MCF2L: variants seen among roughly 807,000 people sequenced by gnomAD.
The protein encoded by MCF2L is MCF.2 cell line derived transforming sequence like.
MCF2L carries 97 observed loss-of-function variants against 153.4 expected under a neutral mutation model. That is an observed-to-expected ratio of 0.63 (90% CI 0.54 to 0.75). The LOEUF is 0.75. Ranked by LOEUF, MCF2L falls within the 30% of genes least tolerant of loss-of-function variation. MCF2L has a pLI of 0.00. For synonymous variants in MCF2L, 659 were observed against 632.2 expected, an observed-to-expected ratio of 1.04 and a Z score of -0.64; for missense variants, 1,347 against 1,495.2, an observed-to-expected ratio of 0.90 and a Z score of 1.64.
At chr13:113,044,880 C>T (rs369437545) in intron 3 of MCF2L, 22 of 1,612,784 alleles carry the variant, frequency 1.4e-5, no homozygotes, top group Admixed American at 3.3e-5. Context: ...ATGCCAGGAC[C>T]GGCGTGATGT....
At chr13:112,973,810 G>C (rs1312008039) in intron 1 of MCF2L, among the ~76,000 whole-genome samples, 7 of 152,190 alleles carry the variant, frequency 4.6e-5, no homozygotes, top group African/African-American at 1.7e-4. Context: ...CACAGGCAAG[G>C]TCTCAGGAGT....
intron 2 of MCF2L, chr13:112,957,265 G>C (rs954071567): frequency 4.6e-5 from 7 of 152,244 alleles, no homozygotes; most frequent in African/African-American, 1.7e-4. Context: ...GTCAATGCTT[G>C]GCATTTTCTG....
chr13:112,895,498 C>T (rs957621052), intron 1 of MCF2L, among the ~76,000 whole-genome samples: 1 of 152,082 alleles, frequency 6.6e-6, no homozygotes, highest in South Asian at 2.1e-4. Context: ...GTGCTGGATG[C>T]TGGGACTGAG....
At chr13:112,985,128 A>G (rs1364227595) in intron 1 of MCF2L, 1 of 284,970 alleles carries the variant, frequency 3.5e-6, no homozygotes, top group Non-Finnish European at 7.1e-6. Flanking sequence ...TTTTTCCTCA[A>G]GTTCCTCTCG....
chr13:113,049,111 GA>G (rs34538087), intron 4 of MCF2L, among the ~76,000 whole-genome samples: 75,502 of 151,982 alleles, frequency 0.5, 19,131 homozygotes, highest in African/African-American at 0.58. Flanking sequence ...GATGATGGTG[GA>G]CATTGGATGG....
At chr13:112,966,580 A>G (rs1490186104), upstream of MCF2L, among the ~76,000 whole-genome samples, 2 of 152,238 alleles carry the variant, frequency 1.3e-5, no homozygotes, top group Non-Finnish European at 2.9e-5. The surrounding 1 kb of genome is among the most constrained non-coding windows in gnomAD (Gnocchi z 4.1). Flanking sequence ...CAAGTAATAA[A>G]GCCAATGACC....
At position 113,045,459 on chromosome 13, in the gene MCF2L, G is replaced by A; in HGVS notation, c.369+98G>A. 1 of 1,096,780 alleles carries A rather than the reference G, an allele frequency of 9.1e-7. No homozygotes were observed. 67.9% of individuals were successfully genotyped at this position (1,096,780 alleles called of 1,614,324 possible). On this transcript the variant is annotated intron_variant, in intron 4 of 29. Coordinates refer to ENST00000535094, the MANE Select transcript of MCF2L (RefSeq NM_001112732.3). This position sits in a 1 kb window ranked among gnomAD's most constrained non-coding sequence, Gnocchi z 4.2. ...CTGTGTCTGCCGCAGTTCCTGCTTT[G>A]TGCTGAGTGGGACAGAGCCCAGTCC...
chr13:113,074,932 C>A lies in MCF2L; in HGVS notation c.1117-66C>A. The A allele has an allele frequency of 1.4e-6, 2 of 1,396,490 alleles. No individual in the cohort carries two copies. Among genetic ancestry groups the A allele is most frequent in the Non-Finnish European group, 2.0e-6 (2 of 1,019,010 alleles). 86.5% of individuals were successfully genotyped at this position (1,396,490 alleles called of 1,614,324 possible). A position where few individuals can be genotyped will look rare whatever the true frequency, so the allele number is the denominator to read the frequency against. Reference sequence around the variant, plus strand: ...TGTGCCCCGGGACACACATCCCGTACAGCAAGGCACTGTGTGCCTCGAACA... The same window carrying A: ...TGTGCCCCGGGACACACATCCCGTAAAGCAAGGCACTGTGTGCCTCGAACA... On this transcript the variant is annotated intron_variant, in intron 10 of 29. Transcript: ENST00000535094. The surrounding 1 kb of genome is among the most constrained non-coding windows in gnomAD (Gnocchi z 4.2).
intron 17 of MCF2L, 33 bp downstream of exon 17, chr13:113,082,575 C>T (rs767447351): frequency 1.0e-5 from 15 of 1,430,658 alleles, no homozygotes; most frequent in African/African-American, 7.0e-5. Flanking sequence ...GGCACGCACC[C>T]GTGATCTCTT....
intron 23 of MCF2L, 42 bp downstream of exon 23, chr13:113,087,841 C>A: frequency 6.6e-7 from 1 of 1,523,230 alleles, no homozygotes; most frequent in Non-Finnish European, 9.1e-7. Context: ...CACATTGCCA[C>A]GAATGGTTTC....
intron 1 of MCF2L, among the ~76,000 whole-genome samples, chr13:112,997,990 C>G (rs367894115): frequency 6.6e-6 from 1 of 152,138 alleles, no homozygotes; most frequent in South Asian, 2.1e-4. Flanking sequence ...GCCGGTGCGT[C>G]GGCTCTGTGC....
chr13:112,910,059 A>G (rs981287389), intron 2 of MCF2L: 4 of 152,320 alleles, frequency 2.6e-5, no homozygotes, highest in African/African-American at 9.6e-5. Flanking sequence ...ATATTTATCT[A>G]TGCATCTGTC....
intron 2 of MCF2L, among the ~76,000 whole-genome samples, chr13:112,913,746 C>T (rs2081260298): frequency 6.6e-6 from 1 of 152,046 alleles, no homozygotes; most frequent in African/African-American, 2.4e-5. Flanking sequence ...GGATTCAGCC[C>T]AACAAATAGA....
intron 1 of MCF2L, among the ~76,000 whole-genome samples, chr13:112,997,312 T>C (rs1426979509): frequency 6.6e-6 from 1 of 152,234 alleles, no homozygotes; most frequent in Non-Finnish European, 1.5e-5. Context: ...GGGTTGCTGC[T>C]GACGCCCCTG....
chr13:112,968,453 T>C (rs757887859), upstream of MCF2L: 74 of 1,588,982 alleles, frequency 4.7e-5, no homozygotes, highest in Non-Finnish European at 5.7e-5. Flanking sequence ...ACAGTGTGGC[T>C]TGGTGCCAAC....
intron 1 of MCF2L, among the ~76,000 whole-genome samples, chr13:112,972,357 G>GATT (rs1485518111): frequency 4.3e-4 from 38 of 89,128 alleles, no homozygotes; most frequent in Non-Finnish European, 8.7e-4. Flanking sequence ...ATGTGTAAGT[G>GATT]GGTGGATGGA....
chr13:113,074,734 C>G lies in MCF2L; in HGVS notation c.1116+171C>G, dbSNP rs2141917093. Among the ~76,000 whole-genome samples the G allele has an allele frequency of 6.6e-6, 1 of 152,188 alleles. No homozygotes were observed. Among genetic ancestry groups the G allele is most frequent in the Non-Finnish European group, 1.5e-5 (1 of 68,000 alleles). The stretch of plus-strand genomic sequence containing the variant: ...TGCCTGTACCCCTCCCCTCCCACAC[C>G]CCACCCACAGCACATGGCCCTGCCC... On this transcript the variant is annotated intron_variant, in intron 10 of 29. Transcript: ENST00000535094. This position sits in a 1 kb window ranked among gnomAD's most constrained non-coding sequence, Gnocchi z 4.2.
chr13:113,027,134 C>G lies in MCF2L; in HGVS notation c.278+2376C>G. 4.3e-6 allele frequency: 3 copies of G among 702,084 alleles called. No homozygotes were observed. The East Asian group carries it at 8.0e-5, about 19-fold the overall frequency. 43.5% of individuals were successfully genotyped at this position (702,084 alleles called of 1,614,324 possible). ...CACAGAGGAGATGTTTAACCATCAG[C>G]GTGAAAGTGCAGCCGTGGCCATTAC... is the stretch of plus-strand genomic sequence containing the variant. On this transcript the variant is annotated intron_variant, in intron 3 of 29. Coordinates refer to ENST00000535094, the MANE Select transcript of MCF2L (RefSeq NM_001112732.3). This position sits in a 1 kb window ranked among gnomAD's most constrained non-coding sequence, Gnocchi z 4.8.
intron 3 of MCF2L, among the ~76,000 whole-genome samples, chr13:113,030,615 G>A (rs1426316977): frequency 6.6e-6 from 1 of 151,838 alleles, no homozygotes; most frequent in Non-Finnish European, 1.5e-5. Context: ...GCTGATGCAG[G>A]TGTGGGCCCT....
Sources: allele counts gnomAD v4.1 joint callset (sites outside exome capture counted in the v4.1 genomes callset), GRCh38; gene constraint gnomAD v4.1.1; non-coding constraint Gnocchi (gnomAD v3.1); transcripts MANE v1.5; gene names NCBI Gene and HGNC (gene_info 2026-07-23, HGNC 2026-07-21).